GSTO2: variants seen among roughly 807,000 people sequenced by gnomAD.
GSTO2 encodes glutathione S-transferase omega-2.
Under a neutral mutation model 28.4 loss-of-function variants are expected in GSTO2, and 23 were observed. The ratio of observed to expected loss-of-function variants is 0.81; its 90% CI spans 0.58 to 1.15. The LOEUF is 1.15. Ranked by LOEUF, GSTO2 falls within the 50% of genes most tolerant of loss-of-function variation. The probability of loss-of-function intolerance (pLI) is 0.00; values close to 1 mark genes in which losing one functional copy is unlikely to be tolerated. For synonymous variants in GSTO2, 109 were observed against 111.0 expected, an observed-to-expected ratio of 0.98 and a Z score of 0.11; for missense variants, 298 against 297.8, an observed-to-expected ratio of 1.00 and a Z score of 0.00.
rs1227771424 is a variant in GSTO2 at position 104,297,558 on chromosome 10, T to C, written c.469-20T>C. On this transcript the variant is annotated intron_variant, in intron 5 of 6. Coordinates refer to ENST00000338595, the MANE Select transcript of GSTO2 (RefSeq NM_183239.2). Reference sequence around the variant, plus strand: ...GCAGATATATAAACTTATTTGCTTTTGCTTTGTTTCCATTTTTAGATTCTT... The same window carrying C: ...GCAGATATATAAACTTATTTGCTTTCGCTTTGTTTCCATTTTTAGATTCTT... The C allele has an allele frequency of 6.6e-7, 1 of 1,505,144 alleles. No homozygotes were observed. The highest frequency in any genetic ancestry group is 1.7e-5 in the Admixed American group (1 of 59,646). 93.2% of individuals were successfully genotyped at this position (1,505,144 alleles called of 1,614,324 possible). A position where few individuals can be genotyped will look rare whatever the true frequency, so the allele number is the denominator to read the frequency against.
intron 5 of GSTO2, among the ~76,000 whole-genome samples, chr10:104,280,246 G>C (rs539744721): frequency 2.0e-5 from 3 of 148,840 alleles, no homozygotes; most frequent in African/African-American, 7.4e-5. Flanking sequence ...ACATTATCAG[G>C]AACTGAAGCT....
chr10:104,281,606 C>T (rs898042741), intron 5 of GSTO2, among the ~76,000 whole-genome samples: 2 of 152,172 alleles, frequency 1.3e-5, no homozygotes, highest in South Asian at 4.1e-4. Context: ...TGCCATGAAT[C>T]GTGCTGCAGA....
chr10:104,277,008 A>C (rs2011669842), intron 3 of GSTO2, among the ~76,000 whole-genome samples: 2 of 152,142 alleles, frequency 1.3e-5, no homozygotes, highest in African/African-American at 4.8e-5. Flanking sequence ...CACTTTATAC[A>C]TATCCCCACC....
chr10:104,299,258 A>G lies in GSTO2; in HGVS notation c.706A>G (p.Asn236Asp). 2 of 1,614,136 alleles carry G rather than the reference A, an allele frequency of 1.2e-6. No homozygotes were observed. The change falls in exon 7 of 7, where the codon AAT (asparagine) becomes GAT (aspartate). Residue 236 changes from asparagine to aspartate, a missense_variant. Coordinates refer to ENST00000338595, the MANE Select transcript of GSTO2 (RefSeq NM_183239.2). ...GAATCTCTATTTTCAGAACAACCCT[A>G]ATGCCTTTGACTTTGGGCTGTGCTG... ...FLNLYFQNNP[N>D]AFDFGLC
In GSTO2 at chr10:104,301,415, G is replaced by A. The variant is rs1006722975; in HGVS notation, c.*2131G>A. Reference sequence around the variant, plus strand: ...TGGGATTTGAGTGCCTCTTGGCCAGGCATGCTCCCTGCTGTTTACCAGGGT... The same window carrying A: ...TGGGATTTGAGTGCCTCTTGGCCAGACATGCTCCCTGCTGTTTACCAGGGT... On this transcript the variant is annotated 3_prime_UTR_variant, in exon 7 of 7. Transcript: ENST00000338595. 6.6e-6 allele frequency: 1 copy of A among 152,178 alleles called. No homozygotes were observed. The highest frequency in any genetic ancestry group is 1.5e-5 in the Non-Finnish European group (1 of 68,044). The allele number at this position is 152,178 out of a possible 1,614,324, so 9.4% of individuals were successfully genotyped here.
chr10:104,290,353 A>G (rs2012702117), intron 5 of GSTO2, among the ~76,000 whole-genome samples: 1 of 152,056 alleles, frequency 6.6e-6, no homozygotes, highest in Non-Finnish European at 1.5e-5. Flanking sequence ...TGAAAATACA[A>G]AAATTAGCTG....
rs2013325377 is a variant in GSTO2, at chr10:104,303,681, A to G, written c.*4397A>G. On this transcript the variant is annotated 3_prime_UTR_variant, in exon 7 of 7. Transcript: ENST00000338595. ...GCAGGCTGCAGAAATTTGCATAAGT[A>G]AAAAGGAGCCAAGTGCTAATGGCCA... 1 of 152,244 alleles carries G rather than the reference A, an allele frequency of 6.6e-6. No individual in the cohort carries two copies. Among genetic ancestry groups the G allele is most frequent in the Admixed American group, 6.5e-5 (1 of 15,286 alleles). 9.4% of individuals were successfully genotyped at this position (152,244 alleles called of 1,614,324 possible).
intron 5 of GSTO2, chr10:104,286,005 A>G (rs1194230324): frequency 3.3e-6 from 1 of 307,472 alleles, no homozygotes; most frequent in Non-Finnish European, 6.5e-6. Flanking sequence ...CCTTTTATAT[A>G]TAGTAGACTA....
chr10:104,292,466 CTTT>C (rs879585556), intron 5 of GSTO2, among the ~76,000 whole-genome samples: 2 of 142,956 alleles, frequency 1.4e-5, no homozygotes. Flanking sequence ...CCACCAATAT[CTTT>C]TTTTTTTTTT....
At position 104,303,881 on chromosome 10, in the gene GSTO2, G is replaced by A. The variant is rs2013330095; in HGVS notation, c.*4597G>A. On this transcript the variant is annotated 3_prime_UTR_variant, in exon 7 of 7. Transcript: ENST00000338595. ...CCAGTGCTGCAGAAACTGCCTGCAT[G>A]TGGCTCCCACATTGTTTCTTGGAGC... 1 of 152,300 alleles carries A rather than the reference G, an allele frequency of 6.6e-6. No homozygotes were observed. Among genetic ancestry groups the A allele is most frequent in the African/African-American group, 2.4e-5 (1 of 41,468 alleles). The allele number at this position is 152,300 out of a possible 1,614,324, so 9.4% of individuals were successfully genotyped here.
chr10:104,293,279 T>C (rs1421973366), intron 5 of GSTO2, among the ~76,000 whole-genome samples: 1 of 152,214 alleles, frequency 6.6e-6, no homozygotes, highest in Non-Finnish European at 1.5e-5. Context: ...CCAAGCTTTT[T>C]TCTGTTACTT....
chr10:104,292,705 C>T (rs75837608), intron 5 of GSTO2, among the ~76,000 whole-genome samples: 1 of 152,150 alleles, frequency 6.6e-6, no homozygotes, highest in Admixed American at 6.5e-5. Flanking sequence ...GTCTGTCCAC[C>T]TCAGCCTCCC....
intron 1 of GSTO2, among the ~76,000 whole-genome samples, chr10:104,274,142 T>C (rs529668460): frequency 4.6e-5 from 7 of 152,160 alleles, no homozygotes; most frequent in Admixed American, 3.9e-4. Context: ...CTAGTAAGAG[T>C]GTTCTCAAAA....
intron 3 of GSTO2, 72 bp from the exon 4 acceptor site, chr10:104,277,822 C>CT: frequency 9.9e-7 from 1 of 1,013,854 alleles, no homozygotes; most frequent in South Asian, 1.3e-5. Context: ...ATTGCTTCTG[C>CT]TTTCAAGAAG....
intron 5 of GSTO2, chr10:104,296,031 T>C (rs1270065803): frequency 6.6e-6 from 1 of 152,194 alleles, no homozygotes; most frequent in Non-Finnish European, 1.5e-5. Flanking sequence ...GTAGCTTGCT[T>C]GATTGAAGCA....
At chr10:104,296,438 T>C (rs987969538) in intron 5 of GSTO2, 1 of 151,646 alleles carries the variant, frequency 6.6e-6, no homozygotes, top group African/African-American at 2.4e-5. Context: ...CTGGGCAACA[T>C]GGCAAGACCC....
intron 5 of GSTO2, among the ~76,000 whole-genome samples, chr10:104,280,012 A>T (rs2135104443): frequency 6.6e-6 from 1 of 152,126 alleles, no homozygotes; most frequent in South Asian, 2.1e-4. Context: ...AAATAATTTT[A>T]AAAATTAGCC....
At chr10:104,281,165 G>A (rs574306055) in intron 5 of GSTO2, among the ~76,000 whole-genome samples, 1 of 152,298 alleles carries the variant, frequency 6.6e-6, no homozygotes, top group African/African-American at 2.4e-5. Context: ...GTGGAGGCCT[G>A]GTAGATTGTT....
chr10:104,278,521 AC>A (rs2011788634), intron 4 of GSTO2, among the ~76,000 whole-genome samples: 1 of 152,142 alleles, frequency 6.6e-6, no homozygotes, highest in Non-Finnish European at 1.5e-5. Flanking sequence ...TCGCTCTGTC[AC>A]CCAGGCTGGA....
Sources: allele counts gnomAD v4.1 joint callset (sites outside exome capture counted in the v4.1 genomes callset), GRCh38; gene constraint gnomAD v4.1.1; transcripts MANE v1.5; gene names NCBI Gene and HGNC (gene_info 2026-07-23, HGNC 2026-07-21).